Variants in WIF1 observed in about 807,000 individuals in gnomAD.
WIF1 encodes the protein Wnt inhibitory factor 1.
WIF1 carries 35 observed loss-of-function variants against 53.5 expected under a neutral mutation model. The observed-to-expected ratio is 0.65, with a 90% CI of 0.50 to 0.87. The LOEUF (loss-of-function observed/expected upper bound fraction) is 0.87. WIF1 is among the 40% of genes least tolerant of loss of function. The pLI, the probability that WIF1 is intolerant of heterozygous loss-of-function variation, is 0.00. For missense variants in WIF1, 467 were observed against 476.8 expected (o/e 0.98, Z 0.19); for synonymous variants, 171 against 170.4 (o/e 1.00, Z -0.03).
intron 5 of WIF1, 44 bp from the exon 6 acceptor site, chr12:65,066,780 G>A: frequency 6.9e-7 from 1 of 1,443,394 alleles, no homozygotes; most frequent in East Asian, 2.4e-5. Context: ...ATGGTATTTT[G>A]GAGCAGGACC....
chr12:65,085,773 T>A (rs1883028743), intron 2 of WIF1, among the ~76,000 whole-genome samples: 1 of 152,224 alleles, frequency 6.6e-6, no homozygotes, highest in Admixed American at 6.6e-5. Context: ...ATGGTGATAT[T>A]AAAACTTGAA....
At chr12:65,083,793 TTTCCTTTCC>T in intron 2 of WIF1, 1 of 347,044 alleles carries the variant, frequency 2.9e-6, no homozygotes, top group South Asian at 2.4e-5. Flanking sequence ...TTTCCTTTCC[TTTCCTTTCC>T]TTTCCTTTCC....
chr12:65,086,149 T>TG (rs1190073009), intron 2 of WIF1, among the ~76,000 whole-genome samples: 2 of 111,414 alleles, frequency 1.8e-5, no homozygotes, highest in Non-Finnish European at 4.6e-5. Flanking sequence ...ATCTAAAAAT[T>TG]GAAAAAAAAA....
Position 65,068,848 on chromosome 12 carries a change from C to T in WIF1, c.454G>A (p.Val152Met), listed in dbSNP as rs1168079998. 1.9e-6 allele frequency: 3 copies of T among 1,613,702 alleles called. No individual in the cohort carries two copies. The highest frequency in any genetic ancestry group is 2.7e-5 in the African/African-American group (2 of 75,000). ...TCAGAATTCATAACAATCACATCCA[C>T]TTCAAATGCTGCCACCCCATCCTGT... ...GKQDGVAAFE[V>M]DVIVMNSEGN... Residue 152 changes from valine to methionine, a missense_variant, in exon 4 of 10, where the codon GTG becomes ATG. Coordinates refer to ENST00000286574, the MANE Select transcript of WIF1 (RefSeq NM_007191.5).
intron 2 of WIF1, among the ~76,000 whole-genome samples, chr12:65,105,673 G>A (rs951254778): frequency 2.6e-5 from 4 of 152,066 alleles, no homozygotes; most frequent in African/African-American, 9.7e-5. Context: ...CCACTTTCAT[G>A]GAAACTAATC....
chr12:65,078,343 T>C (rs1316359107), intron 2 of WIF1, among the ~76,000 whole-genome samples: 2 of 152,180 alleles, frequency 1.3e-5, no homozygotes, highest in African/African-American at 4.8e-5. Context: ...CCTCCCAAAG[T>C]GCTGGGATTA....
At chr12:65,086,046 A>G (rs1883032492) in intron 2 of WIF1, among the ~76,000 whole-genome samples, 2 of 152,290 alleles carry the variant, frequency 1.3e-5, no homozygotes, top group Non-Finnish European at 2.9e-5. Context: ...TAAAACCAAC[A>G]GTTAAGGTTT....
chr12:65,078,754 T>C (rs941561134), intron 2 of WIF1, among the ~76,000 whole-genome samples: 1 of 152,184 alleles, frequency 6.6e-6, no homozygotes, highest in African/African-American at 2.4e-5. Context: ...ATTTACCCAC[T>C]AAGTCTAGTT....
chr12:65,116,262 G>A (rs529604969), intron 2 of WIF1, among the ~76,000 whole-genome samples: 2 of 152,070 alleles, frequency 1.3e-5, no homozygotes, highest in East Asian at 1.9e-4. Context: ...GAACCAGGCC[G>A]CACAGCAGGA....
rs549755397 is a variant in WIF1, at chr12:65,070,220, G to T, written c.398-1316C>A. Among the ~76,000 whole-genome samples, 88 of 152,186 alleles carry T rather than the reference G, an allele frequency of 5.8e-4. 2 individuals are homozygous for T. In the South Asian group the frequency reaches 0.017, roughly 29 times the overall value. ...TGGCATTGTCAGTGTTCATTGCTAT[G>T]CCATACTCAAAATTACATGGACTTC... On this transcript the variant is annotated intron_variant, in intron 3 of 9. Coordinates refer to ENST00000286574, the MANE Select transcript of WIF1 (RefSeq NM_007191.5).
chr12:65,077,923 C>T (rs749837299), intron 2 of WIF1, 69 bp from the exon 3 acceptor site: 250 of 1,186,262 alleles, frequency 2.1e-4, no homozygotes, highest in Non-Finnish European at 2.9e-4. Context: ...CAGAATTCAT[C>T]GTCCATCTGA....
At position 65,105,365 on chromosome 12, in the gene WIF1, T is replaced by C. The variant is rs543648792; in HGVS notation, c.288+15052A>G. On this transcript the variant is annotated intron_variant, in intron 2 of 9. Coordinates refer to ENST00000286574, the MANE Select transcript of WIF1 (RefSeq NM_007191.5). ...CTGAAGGAACTTAACATTGGTGTACTTCACTGGGCTCAGGGTATTAAGCCA... is the reference window on the plus strand; with the variant it reads ...CTGAAGGAACTTAACATTGGTGTACCTCACTGGGCTCAGGGTATTAAGCCA... Among the ~76,000 whole-genome samples, 10 of 152,320 alleles carry C rather than the reference T, an allele frequency of 6.6e-5. No homozygotes were observed. The East Asian group carries it at 1.5e-3, about 24-fold the overall frequency.
chr12:65,110,957 A>G (rs1375723151), intron 2 of WIF1, among the ~76,000 whole-genome samples: 1 of 152,178 alleles, frequency 6.6e-6, no homozygotes, highest in African/African-American at 2.4e-5. Context: ...GTGACATTTA[A>G]TCAGAGACAT....
intron 9 of WIF1, among the ~76,000 whole-genome samples, chr12:65,054,709 A>G (rs1289757354): frequency 6.6e-6 from 1 of 152,216 alleles, no homozygotes; most frequent in African/African-American, 2.4e-5. Flanking sequence ...ATGAATTATA[A>G]AATCAGAGGT....
intron 2 of WIF1, among the ~76,000 whole-genome samples, chr12:65,118,195 A>T (rs1312076746): frequency 1.3e-5 from 2 of 152,204 alleles, no homozygotes; most frequent in Non-Finnish European, 2.9e-5. Flanking sequence ...TATCATTTGG[A>T]TGAAATAATC....
At chr12:65,071,753 A>G (rs190137466) in intron 3 of WIF1, among the ~76,000 whole-genome samples, 1 of 152,316 alleles carries the variant, frequency 6.6e-6, no homozygotes, top group East Asian at 1.9e-4. Flanking sequence ...ATGTAAGCAC[A>G]GTTATGACCT....
At chr12:65,088,752 T>G (rs1883079749) in intron 2 of WIF1, among the ~76,000 whole-genome samples, 1 of 152,118 alleles carries the variant, frequency 6.6e-6, no homozygotes, top group African/African-American at 2.4e-5. Flanking sequence ...TCCAATCACT[T>G]TCTCTAGTCA....
intron 2 of WIF1, among the ~76,000 whole-genome samples, chr12:65,110,620 C>T (rs1053083982): frequency 4.6e-5 from 7 of 152,270 alleles, no homozygotes; most frequent in Admixed American, 2.0e-4. Context: ...TGACCCTGGT[C>T]GTCTGTGCCT....
rs1882520154 is a variant in WIF1, at chr12:65,056,026, C to G, written c.922+5G>C. 1 of 1,613,562 alleles carries G rather than the reference C, an allele frequency of 6.2e-7. No homozygotes were observed. Among genetic ancestry groups the G allele is most frequent in the African/African-American group, 1.3e-5 (1 of 75,006 alleles). On this transcript the variant is annotated splice_donor_5th_base_variant and intron_variant, in intron 8 of 9. Coordinates refer to ENST00000286574, the MANE Select transcript of WIF1 (RefSeq NM_007191.5). Reference sequence around the variant, plus strand: ...CCAGATTGGCAATGTGTATGGGGTACTTACGCTTTGAACAGAGGTCTCCCT... The same window carrying G: ...CCAGATTGGCAATGTGTATGGGGTAGTTACGCTTTGAACAGAGGTCTCCCT...
Sources: allele counts gnomAD v4.1 joint callset (sites outside exome capture counted in the v4.1 genomes callset), GRCh38; gene constraint gnomAD v4.1.1; transcripts MANE v1.5; gene names NCBI Gene and HGNC (gene_info 2026-07-23, HGNC 2026-07-21).